LGSN: variants seen among roughly 807,000 people sequenced by gnomAD.
LGSN encodes the protein lengsin.
LGSN carries 21 observed loss-of-function variants against 19.5 expected under a neutral mutation model. The observed-to-expected ratio is 1.07, with a 90% confidence interval of 0.76 to 1.55. LGSN has a LOEUF of 1.55. Among genes scored for constraint, LGSN ranks in the 40% most tolerant of loss-of-function variants. The pLI is 0.00. For synonymous variants in LGSN, 257 were observed against 215.6 expected (o/e 1.19, Z -1.68); for missense variants, 673 against 608.5 (o/e 1.11, Z -1.12).
chr6:63,339,160 G>T, the LGSN span, among the ~76,000 whole-genome samples: 1 of 152,122 alleles, frequency 6.6e-6, no homozygotes, highest in African/African-American at 2.4e-5. Context: ...ACTGTTAGAT[G>T]AAATGTTCTG....
At chr6:63,461,321 G>A in the LGSN span, among the ~76,000 whole-genome samples, 1 of 152,114 alleles carries the variant, frequency 6.6e-6, no homozygotes, top group Non-Finnish European at 1.5e-5. Flanking sequence ...CACGGTGCTG[G>A]GATTACAGGC....
chr6:63,332,087 A>G, the LGSN span, among the ~76,000 whole-genome samples: 5 of 152,182 alleles, frequency 3.3e-5, no homozygotes, highest in Admixed American at 1.3e-4. Context: ...TCCTAGCTTC[A>G]GGAATAGCTT....
chr6:63,344,336 AATCCAAAACTATCT>A, the LGSN span, among the ~76,000 whole-genome samples: 1 of 152,218 alleles, frequency 6.6e-6, no homozygotes, highest in African/African-American at 2.4e-5. Flanking sequence ...AGCAATTTCA[AATCCAAAACTATCT>A]ATCCAGTCAA....
intron 2 of LGSN, among the ~76,000 whole-genome samples, chr6:63,291,053 G>T (rs989464403): frequency 6.6e-6 from 1 of 152,220 alleles, no homozygotes; most frequent in Non-Finnish European, 1.5e-5. Context: ...CGGTGTGGTA[G>T]TGAGATGGGA....
chr6:63,559,825 C>T, the LGSN span, among the ~76,000 whole-genome samples: 2 of 152,130 alleles, frequency 1.3e-5, no homozygotes, highest in African/African-American at 2.4e-5. Context: ...GAGTCTGAGG[C>T]AGGTTTGCCC....
At chr6:63,385,583 C>G in the LGSN span, among the ~76,000 whole-genome samples, 3 of 152,186 alleles carry the variant, frequency 2.0e-5, no homozygotes, top group African/African-American at 4.8e-5. Flanking sequence ...TAGTCTTCTT[C>G]CATTTCCAAC....
the LGSN span, among the ~76,000 whole-genome samples, chr6:63,487,378 AC>A: frequency 6.6e-6 from 1 of 152,210 alleles, no homozygotes; most frequent in Non-Finnish European, 1.5e-5. Context: ...AGATTTATTA[AC>A]CTGGAGTGTA....
chr6:63,427,320 A>C, the LGSN span, among the ~76,000 whole-genome samples: 1 of 152,196 alleles, frequency 6.6e-6, no homozygotes, highest in Non-Finnish European at 1.5e-5. Flanking sequence ...CTGGGATTAC[A>C]GGCATAAGCC....
the LGSN span, among the ~76,000 whole-genome samples, chr6:63,460,957 G>C: frequency 7.9e-5 from 12 of 152,178 alleles, no homozygotes; most frequent in African/African-American, 2.2e-4. Context: ...AGTCTACACT[G>C]AATGTCTGGC....
chr6:63,295,035 CTTG>C lies in LGSN; in HGVS notation c.38_40del (p.Thr13del). On this transcript the variant is annotated inframe_deletion, in exon 2 of 4. Coordinates refer to ENST00000370657, the MANE Select transcript of LGSN (RefSeq NM_016571.3). The stretch of plus-strand genomic sequence containing the variant: ...GGCTTCAGTCTCATTGCCTTCATCT[CTTG>C]TTGAGTCCTGTTGATAATTAATAAA... The C allele has an allele frequency of 6.2e-7, 1 of 1,613,348 alleles. No homozygotes were observed. Among genetic ancestry groups the C allele is most frequent in the Non-Finnish European group, 8.5e-7 (1 of 1,179,452 alleles).
At chr6:63,446,348 C>T in the LGSN span, among the ~76,000 whole-genome samples, 1 of 151,734 alleles carries the variant, frequency 6.6e-6, no homozygotes, top group African/African-American at 2.4e-5. Flanking sequence ...TGGGCCTTCT[C>T]ACAGTTTCTC....
chr6:63,558,892 T>C, the LGSN span, among the ~76,000 whole-genome samples: 1 of 152,188 alleles, frequency 6.6e-6, no homozygotes, highest in Non-Finnish European at 1.5e-5. Context: ...ATCTGTCAAG[T>C]AGGATTGTTG....
At chr6:63,568,331 G>T in the LGSN span, among the ~76,000 whole-genome samples, 1 of 152,158 alleles carries the variant, frequency 6.6e-6, no homozygotes, top group Non-Finnish European at 1.5e-5. Context: ...GCCACTGTAG[G>T]GTTATTAATT....
the LGSN span, among the ~76,000 whole-genome samples, chr6:63,366,389 G>A: frequency 6.6e-6 from 1 of 152,194 alleles, no homozygotes; most frequent in Non-Finnish European, 1.5e-5. Flanking sequence ...CAAGGGATGT[G>A]AAGGACCTCT....
At chr6:63,569,125 G>T in the LGSN span, among the ~76,000 whole-genome samples, 1 of 152,084 alleles carries the variant, frequency 6.6e-6, no homozygotes, top group Non-Finnish European at 1.5e-5. Flanking sequence ...TGTAAACTTG[G>T]TAAAATGGAA....
chr6:63,368,003 AGG>A, the LGSN span, among the ~76,000 whole-genome samples: 3 of 151,986 alleles, frequency 2.0e-5, no homozygotes, highest in Non-Finnish European at 4.4e-5. Context: ...TGACGAGTTA[AGG>A]GGTACAGCAC....
In LGSN at chr6:63,280,281, C is replaced by G. The variant is rs1445849886; in HGVS notation, c.1270G>C (p.Val424Leu). The G allele has an allele frequency of 1.9e-6, 3 of 1,614,250 alleles. No homozygotes were observed. The highest frequency in any genetic ancestry group is 2.5e-6 in the Non-Finnish European group (3 of 1,180,048). The change falls in exon 4 of 4, where the codon GTT becomes CTT. Residue 424 changes from valine to leucine, a missense_variant. Val to Leu is a conservative substitution (Grantham distance 32, BLOSUM62 1). Transcript: ENST00000370657. ...TGAAGTCCATCTAAGCCGGCAGCAA[C>G]AGTTGCAGCCAGCACCAAGTAAGGG... ...ANPYLVLAAT[V>L]AAGLDGLHSS...
intron 2 of LGSN, among the ~76,000 whole-genome samples, chr6:63,292,284 A>G (rs1026183012): frequency 3.9e-5 from 6 of 152,240 alleles, no homozygotes; most frequent in East Asian, 1.9e-4. Context: ...GTGAGATAGT[A>G]CACTTGTATT....
At chr6:63,332,578 G>A in the LGSN span, among the ~76,000 whole-genome samples, 6 of 152,118 alleles carry the variant, frequency 3.9e-5, no homozygotes. Context: ...AAAGAGTTGG[G>A]GGTTGTTAGA....
Sources: allele counts gnomAD v4.1 joint callset (sites outside exome capture counted in the v4.1 genomes callset), GRCh38; gene constraint gnomAD v4.1.1; transcripts MANE v1.5; gene names NCBI Gene and HGNC (gene_info 2026-07-23, HGNC 2026-07-21).